The following USP44 variants were observed in gnomAD, a reference collection of about 807,000 sequenced individuals.
USP44 encodes ubiquitin carboxyl-terminal hydrolase 44.
Under a neutral mutation model 69.0 loss-of-function variants are expected in USP44, and 61 were observed. The observed-to-expected ratio is 0.88, with a 90% CI of 0.72 to 1.09. The LOEUF (loss-of-function observed/expected upper bound fraction) is 1.09, where lower values mean the gene tolerates loss of function less well. USP44 is among the 50% of genes least tolerant of loss of function. The probability of loss-of-function intolerance (pLI) is 0.00; values close to 1 mark genes in which losing one functional copy is unlikely to be tolerated. For synonymous variants in USP44, 297 were observed against 295.4 expected (o/e 1.01, Z -0.06); for missense variants, 753 against 849.9 (o/e 0.89, Z 1.42).
chr12:95,522,268 GAGACA>G (rs779893480), intron 4 of USP44, among the ~76,000 whole-genome samples: 33 of 151,958 alleles, frequency 2.2e-4, no homozygotes, highest in Non-Finnish European at 4.3e-4. Context: ...AGAGAAGGGA[GAGACA>G]AGAACATAGT....
At chr12:95,518,627 T>C (rs2076551447) in intron 5 of USP44, among the ~76,000 whole-genome samples, 1 of 152,196 alleles carries the variant, frequency 6.6e-6, no homozygotes, top group Non-Finnish European at 1.5e-5. Context: ...CCACTAATCA[T>C]ACAGGATGAT....
At position 95,520,977 on chromosome 12, in the gene USP44, A is replaced by T. The variant is rs116720464; in HGVS notation, c.1939+20T>A. ...GCCTCCAAGTCCAACCCAAGATAAAATACTTTTTCTTATCTATACCTCCTT... is the reference window on the plus strand; with the variant it reads ...GCCTCCAAGTCCAACCCAAGATAAATTACTTTTTCTTATCTATACCTCCTT... On this transcript the variant is annotated intron_variant, in intron 5 of 5. Transcript: ENST00000258499. 1 of 1,610,256 alleles carries T rather than the reference A, an allele frequency of 6.2e-7. No individual in the cohort carries two copies. Among genetic ancestry groups the T allele is most frequent in the Admixed American group, 1.7e-5 (1 of 59,980 alleles).
intron 3 of USP44, among the ~76,000 whole-genome samples, chr12:95,525,157 C>T (rs972389207): frequency 3.9e-5 from 6 of 152,204 alleles, no homozygotes; most frequent in Non-Finnish European, 7.3e-5. Flanking sequence ...CCACAACCTC[C>T]GCCTCCTGGG....
intron 1 of USP44, among the ~76,000 whole-genome samples, chr12:95,542,542 G>C (rs1214136435): frequency 6.6e-6 from 1 of 152,104 alleles, no homozygotes; most frequent in East Asian, 1.9e-4. Flanking sequence ...AAGGTGGGCA[G>C]ATCACCTGAG....
Position 95,521,167 on chromosome 12 carries a change from A to G in USP44, c.1769T>C (p.Val590Ala). The G allele has an allele frequency of 6.2e-7, 1 of 1,614,194 alleles. No homozygotes were observed. The highest frequency in any genetic ancestry group is 2.2e-5 in the East Asian group (1 of 44,874). ...SGRNNREKIG[V>A]HVGFEEILNM... is the part of the protein sequence containing the mutation. Reference sequence around the variant, plus strand: ...TAAGATTTCCTCAAAGCCAACATGAACACCAATCTTCTCTCGGTTATTACG... The same window carrying G: ...TAAGATTTCCTCAAAGCCAACATGAGCACCAATCTTCTCTCGGTTATTACG... The change falls in exon 5 of 6, where the codon GTT (valine) becomes GCT (alanine). Residue 590 changes from valine (V) to alanine (A), a missense_variant. By Grantham distance (64) the Val-to-Ala change is moderately conservative. Transcript: ENST00000258499.
chr12:95,521,809 T>G (rs2076672131), intron 4 of USP44, among the ~76,000 whole-genome samples: 1 of 152,072 alleles, frequency 6.6e-6, no homozygotes, highest in Admixed American at 6.6e-5. Context: ...TTTTAATTCC[T>G]TACTGTCTTG....
intron 3 of USP44, 102 bp from the exon 4 acceptor site, chr12:95,524,890 A>G (rs2076787454): frequency 1.9e-6 from 2 of 1,063,532 alleles, no homozygotes; most frequent in Admixed American, 5.2e-5. Context: ...AAAAGTATGT[A>G]CTGTGTTCCA....
chr12:95,520,007 CAAAAAAAAAAAAAAA>C (rs56348745), intron 5 of USP44, among the ~76,000 whole-genome samples: 21 of 34,526 alleles, frequency 6.1e-4, no homozygotes, highest in African/African-American at 1.8e-3. Context: ...GACTCTGTCT[CAAAAAAAAAAAAAAA>C]AAAAAAAAAA....
intron 3 of USP44, among the ~76,000 whole-genome samples, chr12:95,527,328 C>A (rs1467643291): frequency 6.6e-6 from 1 of 151,898 alleles, no homozygotes; most frequent in Non-Finnish European, 1.5e-5. Context: ...CTCCTGACCT[C>A]AGGTGATCTG....
intron 2 of USP44, among the ~76,000 whole-genome samples, chr12:95,531,701 A>G (rs976681866): frequency 5.3e-5 from 8 of 152,244 alleles, no homozygotes; most frequent in Non-Finnish European, 1.0e-4. Context: ...CTTAAACAAC[A>G]TTTTAGGAAA....
rs776432511 is a variant in USP44, at chr12:95,533,867, A to G, written c.390T>C (p.Tyr130=). Residue 130 remains tyrosine (Y), a synonymous_variant, in exon 2 of 6, where the codon TAT becomes TAC. Transcript: ENST00000258499. ...GAGATTGGGCACCGTCATGTAAGAAATAAGAATCATCACCTGTACCCATGG... is the reference window on the plus strand; with the variant it reads ...GAGATTGGGCACCGTCATGTAAGAAGTAAGAATCATCACCTGTACCCATGG... ...LRSMGTGDDS[Y]FLHDGAQSLL... is the part of the protein sequence containing the mutation. 1.9e-6 allele frequency: 3 copies of G among 1,614,074 alleles called. No homozygotes were observed. The highest frequency in any genetic ancestry group is 2.2e-5 in the East Asian group (1 of 44,900).
At chr12:95,518,955 C>T (rs2076561566) in intron 5 of USP44, among the ~76,000 whole-genome samples, 1 of 151,856 alleles carries the variant, frequency 6.6e-6, no homozygotes, top group Admixed American at 6.6e-5. Context: ...AATTCCAAAC[C>T]AAAACTTTTT....
At chr12:95,544,604 G>T (rs2077512593) in intron 1 of USP44, among the ~76,000 whole-genome samples, 1 of 151,988 alleles carries the variant, frequency 6.6e-6, no homozygotes, top group Non-Finnish European at 1.5e-5. Context: ...AAGTCAGGAA[G>T]TTACCATGAT....
chr12:95,533,671 C>G lies in USP44; in HGVS notation c.586G>C (p.Glu196Gln). The change falls in exon 2 of 6, where the codon GAA (glutamate) becomes CAA (glutamine). Residue 196 changes from glutamate (E) to glutamine (Q), a missense_variant. By Grantham distance (29) the Glu-to-Gln change is conservative. Transcript: ENST00000258499. ...TCTGCTTTAACTTGATACTCCAATT[C>G]CTGCCGTCTTTTCTTTACTTCTCTT... ...VKREVKKRRQ[E>Q]LEYQVKAELE... 1.2e-6 allele frequency: 2 copies of G among 1,613,884 alleles called. No homozygotes were observed. The highest frequency in any genetic ancestry group is 1.7e-6 in the Non-Finnish European group (2 of 1,180,034).
At chr12:95,529,634 T>C (rs2076958306) in intron 2 of USP44, among the ~76,000 whole-genome samples, 2 of 152,154 alleles carry the variant, frequency 1.3e-5, no homozygotes, top group South Asian at 2.1e-4. Context: ...TTGGCCAGGA[T>C]GGTCTTGAAC....
intron 2 of USP44, among the ~76,000 whole-genome samples, chr12:95,529,959 T>C (rs1320043883): frequency 1.3e-5 from 2 of 152,072 alleles, no homozygotes; most frequent in African/African-American, 2.4e-5. Context: ...ACGAAAAACA[T>C]GGAGCTGTTT....
chr12:95,541,853 G>A (rs1218994043), intron 1 of USP44, among the ~76,000 whole-genome samples: 1 of 145,930 alleles, frequency 6.9e-6, no homozygotes, highest in Non-Finnish European at 1.5e-5. Context: ...AATCTTTTTA[G>A]TCAAAAATAA....
chr12:95,547,969 G>A (rs1011940804), intron 1 of USP44: 13 of 152,136 alleles, frequency 8.5e-5, no homozygotes, highest in African/African-American at 3.1e-4. Context: ...TGGGGGCGGG[G>A]TATGGTGTCT....
At chr12:95,543,020 G>A (rs1288078584) in intron 1 of USP44, among the ~76,000 whole-genome samples, 1 of 151,070 alleles carries the variant, frequency 6.6e-6, no homozygotes, top group Non-Finnish European at 1.5e-5. Flanking sequence ...CCCGGGAGGC[G>A]GAGCTTGCAG....
Sources: gnomAD v4.1 joint callset for allele counts (sites outside exome capture counted in the v4.1 genomes callset) on GRCh38, gnomAD v4.1.1 for gene constraint, MANE v1.5 for transcripts, NCBI Gene and HGNC (gene_info 2026-07-23, HGNC 2026-07-21) for gene names.